The following PRKG1 variants were observed in gnomAD, a reference collection of about 807,000 sequenced individuals.
PRKG1 encodes protein kinase cGMP-dependent 1.
A neutral mutation model predicts 88.1 loss-of-function variants in PRKG1; 35 were observed. That is an observed-to-expected ratio of 0.40 (90% confidence interval 0.30 to 0.53). The LOEUF is 0.53. Ranked by LOEUF, PRKG1 falls within the 20% of genes least tolerant of loss-of-function variation. PRKG1 has a pLI of 0.59. For missense variants in PRKG1, 540 were observed against 839.8 expected (o/e 0.64, Z 4.41); for synonymous variants, 303 against 292.5 (o/e 1.04, Z -0.37).
At chr10:52,094,264 C>G (rs534848144) in intron 7 of PRKG1, among the ~76,000 whole-genome samples, 1 of 152,236 alleles carries the variant, frequency 6.6e-6, no homozygotes, top group African/African-American at 2.4e-5. Context: ...TGCAATCATT[C>G]CTACTATTAC....
intron 3 of PRKG1, among the ~76,000 whole-genome samples, chr10:51,728,648 A>G (rs1343439584): frequency 1.3e-5 from 2 of 152,050 alleles, no homozygotes; most frequent in African/African-American, 4.8e-5. Flanking sequence ...CTGGCACATA[A>G]AAAGTGTTAT....
intron 3 of PRKG1, among the ~76,000 whole-genome samples, chr10:51,539,402 T>C (rs933327099): frequency 8.5e-5 from 13 of 152,202 alleles, no homozygotes; most frequent in Non-Finnish European, 1.9e-4. Context: ...GATATGTAAG[T>C]TATCCCTATA....
At chr10:52,171,269 T>G (rs1838666724) in intron 9 of PRKG1, among the ~76,000 whole-genome samples, 1 of 152,038 alleles carries the variant, frequency 6.6e-6, no homozygotes, top group Admixed American at 6.6e-5. Flanking sequence ...CCTGGAAAAT[T>G]GTTTTCCCCT....
At chr10:51,241,323 A>G (rs909877098) in intron 2 of PRKG1, among the ~76,000 whole-genome samples, 2 of 151,896 alleles carry the variant, frequency 1.3e-5, no homozygotes, top group African/African-American at 2.4e-5. Context: ...AAAAAAAGCC[A>G]AAGAACCTCC....
chr10:52,176,473 C>G (rs936354823), intron 9 of PRKG1, among the ~76,000 whole-genome samples: 4 of 151,868 alleles, frequency 2.6e-5, no homozygotes, highest in South Asian at 2.1e-4. Flanking sequence ...CACCCTACCA[C>G]CCACCACCAG....
At chr10:51,795,408 A>C (rs1269998793) in intron 3 of PRKG1, among the ~76,000 whole-genome samples, 1 of 152,130 alleles carries the variant, frequency 6.6e-6, no homozygotes, top group Non-Finnish European at 1.5e-5. Context: ...CCAGTTAAGA[A>C]AGGTTAAAAT....
intron 7 of PRKG1, among the ~76,000 whole-genome samples, chr10:52,086,587 TAG>T (rs1387990299): frequency 1.3e-5 from 2 of 151,970 alleles, no homozygotes; most frequent in African/African-American, 4.8e-5. Context: ...GTATTTTTAG[TAG>T]AGACAGGGTT....
chr10:51,693,216 A>G (rs1420584210), intron 3 of PRKG1, among the ~76,000 whole-genome samples: 1 of 145,744 alleles, frequency 6.9e-6, no homozygotes, highest in East Asian at 2.1e-4. Context: ...TAAACCCAGG[A>G]GGCAGAGGTT....
intron 2 of PRKG1, among the ~76,000 whole-genome samples, chr10:51,258,617 T>A (rs1241617157): frequency 1.3e-5 from 2 of 152,226 alleles, no homozygotes. Context: ...CCTGCCACAG[T>A]CTAGTCAGTG....
intron 1 of PRKG1, among the ~76,000 whole-genome samples, chr10:51,091,441 T>C (rs1000688774): frequency 6.6e-6 from 1 of 152,172 alleles, no homozygotes; most frequent in South Asian, 2.1e-4. Flanking sequence ...AAATTTTCCT[T>C]TTCTATACCT....
chr10:51,150,919 A>G (rs540983401), intron 1 of PRKG1, among the ~76,000 whole-genome samples: 2 of 151,980 alleles, frequency 1.3e-5, no homozygotes, highest in Non-Finnish European at 2.9e-5. Context: ...GACTTCAATC[A>G]TGTTTGGATG....
At chr10:51,392,814 AC>A (rs1245077593) in intron 2 of PRKG1, among the ~76,000 whole-genome samples, 2 of 130,270 alleles carry the variant, frequency 1.5e-5, no homozygotes, top group South Asian at 2.6e-4. Context: ...CGGGGGGCTG[AC>A]CCCCCACCTC....
At chr10:51,241,107 T>G (rs895746707) in intron 2 of PRKG1, among the ~76,000 whole-genome samples, 1 of 152,154 alleles carries the variant, frequency 6.6e-6, no homozygotes, top group African/African-American at 2.4e-5. Flanking sequence ...GATCCCTGTT[T>G]TGAAGATGAA....
chr10:52,035,006 A>G (rs11591497), intron 5 of PRKG1, among the ~76,000 whole-genome samples: 125,010 of 152,024 alleles, frequency 0.82, 51,661 homozygotes, highest in Non-Finnish European at 0.88. Flanking sequence ...TCTTGAAGAC[A>G]GAGGACCATA....
At chr10:51,964,803 G>A (rs1843529208) in intron 5 of PRKG1, among the ~76,000 whole-genome samples, 1 of 152,152 alleles carries the variant, frequency 6.6e-6, no homozygotes, top group Admixed American at 6.5e-5. Flanking sequence ...AGCTTCAACT[G>A]CATCCAAAAA....
chr10:51,703,209 C>A (rs1167681235), intron 3 of PRKG1, among the ~76,000 whole-genome samples: 1 of 151,966 alleles, frequency 6.6e-6, no homozygotes, highest in East Asian at 1.9e-4. Context: ...TACAAAAATT[C>A]TATACACTTT....
intron 10 of PRKG1, among the ~76,000 whole-genome samples, chr10:52,259,615 TC>T (rs1362758334): frequency 6.6e-6 from 1 of 152,050 alleles, no homozygotes; most frequent in Non-Finnish European, 1.5e-5. Context: ...AGCTATGAGG[TC>T]AGGAGCTTTT....
chr10:51,256,479 G>C (rs943893778), intron 2 of PRKG1, among the ~76,000 whole-genome samples: 8 of 152,112 alleles, frequency 5.3e-5, no homozygotes, highest in Non-Finnish European at 1.0e-4. Flanking sequence ...GCTACATAAA[G>C]GATAGGCAAA....
intron 2 of PRKG1, among the ~76,000 whole-genome samples, chr10:51,282,504 G>C (rs926605345): frequency 6.6e-6 from 1 of 152,122 alleles, no homozygotes; most frequent in Non-Finnish European, 1.5e-5. Flanking sequence ...TTAAGAACCA[G>C]GGAGAGGAGT....
Sources: gnomAD v4.1 joint callset for allele counts (sites outside exome capture counted in the v4.1 genomes callset) on GRCh38, gnomAD v4.1.1 for gene constraint, MANE v1.5 for transcripts, NCBI Gene and HGNC (gene_info 2026-07-23, HGNC 2026-07-21) for gene names.